ZBTB7C: variants seen among roughly 807,000 people sequenced by gnomAD.
The protein encoded by ZBTB7C is zinc finger and BTB domain containing 7C, also known as zinc finger and BTB domain-containing protein 7C.
ZBTB7C carries 8 observed loss-of-function variants against 25.7 expected under a neutral mutation model. The ratio of observed to expected loss-of-function variants is 0.31; its 90% CI spans 0.18 to 0.56. ZBTB7C has a LOEUF of 0.56. Ranked by LOEUF, ZBTB7C falls within the 20% of genes least tolerant of loss-of-function variation. The pLI is 0.91. For missense variants in ZBTB7C, 824 were observed against 855.2 expected (o/e 0.96, Z 0.46); for synonymous variants, 394 against 369.0 (o/e 1.07, Z -0.78).
At chr18:48,365,549 C>T (rs1221860544) in intron 1 of ZBTB7C, among the ~76,000 whole-genome samples, 1 of 152,104 alleles carries the variant, frequency 6.6e-6, no homozygotes, top group Admixed American at 6.5e-5. Flanking sequence ...AACTGAATGT[C>T]GCCAATAACC....
At chr18:48,363,210 G>A (rs528546222) in intron 1 of ZBTB7C, among the ~76,000 whole-genome samples, 2 of 152,300 alleles carry the variant, frequency 1.3e-5, no homozygotes, top group African/African-American at 4.8e-5. Flanking sequence ...TGCTCGGGAG[G>A]GAGGGACCCT....
Position 48,056,510 on chromosome 18 carries a change from G to A in ZBTB7C, c.-16-15387C>T, listed in dbSNP as rs564441812. Among the ~76,000 whole-genome samples, 5 of 152,252 alleles carry A rather than the reference G, an allele frequency of 3.3e-5. No homozygotes were observed. The South Asian group carries it at 8.3e-4, about 25-fold the overall frequency. ...GAAAGCCATAAAAATAAAATATTTGGTACTGGATCATGAACAGGAAGACAG... is the reference window on the plus strand; with the variant it reads ...GAAAGCCATAAAAATAAAATATTTGATACTGGATCATGAACAGGAAGACAG... On this transcript the variant is annotated intron_variant, in intron 3 of 4. Coordinates refer to ENST00000590800, the MANE Select transcript of ZBTB7C (RefSeq NM_001318841.2).
At chr18:48,240,979 T>C (rs368922884) in intron 2 of ZBTB7C, among the ~76,000 whole-genome samples, 10 of 152,034 alleles carry the variant, frequency 6.6e-5, no homozygotes, top group African/African-American at 2.4e-4. Context: ...AGGACTCACA[T>C]AGACTTAAGG....
intron 2 of ZBTB7C, among the ~76,000 whole-genome samples, chr18:48,215,341 C>T (rs1480283834): frequency 6.6e-5 from 10 of 152,210 alleles, no homozygotes; most frequent in African/African-American, 2.4e-4. Flanking sequence ...TGGGAAGACA[C>T]AGCCCATGAC....
At chr18:48,038,559 T>C (rs1444776041) in intron 4 of ZBTB7C, among the ~76,000 whole-genome samples, 1 of 151,908 alleles carries the variant, frequency 6.6e-6, no homozygotes, top group Non-Finnish European at 1.5e-5. Context: ...TTTTTTTTTT[T>C]TTTTTTCCTG....
intron 2 of ZBTB7C, among the ~76,000 whole-genome samples, chr18:48,316,988 A>T (rs1286298660): frequency 2.0e-5 from 3 of 152,224 alleles, no homozygotes; most frequent in African/African-American, 7.2e-5. Flanking sequence ...AAGACACTCA[A>T]CAAGCCAGGT....
intron 3 of ZBTB7C, among the ~76,000 whole-genome samples, chr18:48,112,494 C>G (rs1209527728): frequency 6.6e-6 from 1 of 151,920 alleles, no homozygotes; most frequent in Non-Finnish European, 1.5e-5. Context: ...ACTCCAGGCA[C>G]GCGCTACCAT....
chr18:48,232,065 C>T (rs1204614795), intron 2 of ZBTB7C, among the ~76,000 whole-genome samples: 1 of 152,228 alleles, frequency 6.6e-6, no homozygotes, highest in East Asian at 1.9e-4. Context: ...GGGATCCAGG[C>T]CAGTAGTGCC....
intron 2 of ZBTB7C, among the ~76,000 whole-genome samples, chr18:48,325,656 G>A (rs969354174): frequency 2.0e-5 from 3 of 152,206 alleles, no homozygotes; most frequent in Non-Finnish European, 4.4e-5. Context: ...CCCCAGGTTG[G>A]GAAAGTGACT....
chr18:48,195,385 G>T (rs151284933), intron 2 of ZBTB7C, among the ~76,000 whole-genome samples: 1 of 152,142 alleles, frequency 6.6e-6, no homozygotes, highest in Non-Finnish European at 1.5e-5. Context: ...TGCTATTCTC[G>T]TGATAGTGAA....
At position 48,367,175 on chromosome 18, in the gene ZBTB7C, TTA is replaced by T. The variant is rs71165321; in HGVS notation, c.-303-28779_-303-28778del. ...TTTCCCCTGTTCTTCTCCCCAAGTTTTATATATATATATATATATATATATAT... is the reference window on the plus strand; with the variant it reads ...TTTCCCCTGTTCTTCTCCCCAAGTTTTATATATATATATATATATATATAT... On this transcript the variant is annotated intron_variant, in intron 1 of 4. Transcript: ENST00000590800. Among the ~76,000 whole-genome samples the T allele has an allele frequency of 1.6e-3, 100 of 62,248 alleles. 4 individuals carry two copies. Among genetic ancestry groups the T allele is most frequent in the East Asian group, 0.01 (34 of 3,376 alleles). 40.8% of individuals were successfully genotyped at this position (62,248 alleles called of 152,430 possible).
chr18:48,196,146 A>T (rs949188602), intron 2 of ZBTB7C, among the ~76,000 whole-genome samples: 19 of 152,204 alleles, frequency 1.2e-4, no homozygotes, highest in Non-Finnish European at 1.2e-4. Flanking sequence ...GAGGGCATCC[A>T]GTGCCCTCCT....
intron 1 of ZBTB7C, among the ~76,000 whole-genome samples, chr18:48,353,501 T>TA (rs2046909086): frequency 6.6e-6 from 1 of 152,180 alleles, no homozygotes; most frequent in Admixed American, 6.5e-5. Context: ...TCAGAGTTTT[T>TA]ATCTGAGGAC....
intron 2 of ZBTB7C, among the ~76,000 whole-genome samples, chr18:48,221,058 TGTCTCCTCTATACTGTCCCA>T (rs1384973716): frequency 6.7e-6 from 1 of 148,958 alleles, no homozygotes; most frequent in African/African-American, 2.5e-5. Context: ...ATACTGCCCT[TGTCTCCTCTATACTGTCCCA>T]GTCTCCTCTA....
At chr18:48,116,799 C>T (rs970137850) in intron 3 of ZBTB7C, among the ~76,000 whole-genome samples, 3 of 152,128 alleles carry the variant, frequency 2.0e-5, no homozygotes, top group South Asian at 2.1e-4. Flanking sequence ...TCCTGGTTAA[C>T]CCCACCAGAA....
intron 2 of ZBTB7C, among the ~76,000 whole-genome samples, chr18:48,224,261 A>C (rs2043032843): frequency 6.6e-6 from 1 of 152,228 alleles, no homozygotes; most frequent in South Asian, 2.1e-4. Context: ...CAGCACCCTC[A>C]GCCATCAACT....
intron 2 of ZBTB7C, among the ~76,000 whole-genome samples, chr18:48,315,397 A>G (rs778702274): frequency 2.0e-5 from 3 of 152,128 alleles, no homozygotes; most frequent in Non-Finnish European, 2.9e-5. Flanking sequence ...TGGATTCTCA[A>G]TGGAGTGACG....
intron 3 of ZBTB7C, among the ~76,000 whole-genome samples, chr18:48,095,088 A>ACT (rs2038568264): frequency 6.6e-6 from 1 of 152,160 alleles, no homozygotes; most frequent in Non-Finnish European, 1.5e-5. Context: ...TCCTGGTAGT[A>ACT]ACCAGGTGGG....
intron 3 of ZBTB7C, among the ~76,000 whole-genome samples, chr18:48,060,063 T>C (rs2037068698): frequency 6.6e-6 from 1 of 152,100 alleles, no homozygotes; most frequent in African/African-American, 2.4e-5. Context: ...CTACCATTTT[T>C]TTTCGGCCGG....
Sources: allele counts gnomAD v4.1 joint callset (sites outside exome capture counted in the v4.1 genomes callset), GRCh38; gene constraint gnomAD v4.1.1; transcripts MANE v1.5; gene names NCBI Gene and HGNC (gene_info 2026-07-23, HGNC 2026-07-21).